SYN3: variants seen among roughly 807,000 people sequenced by gnomAD.
SYN3 encodes synapsin-3.
In SYN3, 35 loss-of-function variants were observed where a neutral mutation model predicts 65.8. The observed-to-expected ratio is 0.53, with a 90% CI of 0.41 to 0.70. SYN3 has a LOEUF of 0.70. Ranked by LOEUF, SYN3 falls within the 30% of genes least tolerant of loss-of-function variation. SYN3 has a pLI of 0.00. For synonymous variants in SYN3, 270 were observed against 292.9 expected (o/e 0.92, Z 0.80); for missense variants, 680 against 749.0 (o/e 0.91, Z 1.08).
intron 7 of SYN3, among the ~76,000 whole-genome samples, chr22:32,573,688 C>T (rs920037393): frequency 6.6e-6 from 1 of 151,658 alleles, no homozygotes; most frequent in Non-Finnish European, 1.5e-5. Context: ...ACAGCAGCCC[C>T]CGAGAGGAAG....
intron 1 of SYN3, among the ~76,000 whole-genome samples, chr22:33,047,984 T>C (rs1362050300): frequency 6.6e-6 from 1 of 152,112 alleles, no homozygotes; most frequent in Non-Finnish European, 1.5e-5. Context: ...CCATTCTTTT[T>C]CCACTTTGGA....
At chr22:32,822,651 G>A (rs1222505493) in intron 6 of SYN3, among the ~76,000 whole-genome samples, 2 of 152,152 alleles carry the variant, frequency 1.3e-5, no homozygotes, top group African/African-American at 4.8e-5. Flanking sequence ...AGATTATGGT[G>A]CGTTCATACA....
chr22:32,974,536 C>A (rs1289168911), intron 3 of SYN3, among the ~76,000 whole-genome samples: 1 of 152,170 alleles, frequency 6.6e-6, no homozygotes, highest in East Asian at 1.9e-4. Flanking sequence ...TCCTTATTGG[C>A]CTTAGTTTCC....
At chr22:32,835,940 GC>G (rs1233429838) in intron 6 of SYN3, among the ~76,000 whole-genome samples, 1 of 152,210 alleles carries the variant, frequency 6.6e-6, no homozygotes, top group Non-Finnish European at 1.5e-5. Flanking sequence ...ACTTATACAA[GC>G]CCTTCTCTCA....
intron 6 of SYN3, among the ~76,000 whole-genome samples, chr22:32,762,630 G>C (rs1220285531): frequency 1.9e-5 from 1 of 51,820 alleles, no homozygotes; most frequent in Admixed American, 2.0e-4. Flanking sequence ...CCAGGGTCGC[G>C]AAACCCAGTG....
chr22:32,733,624 T>C (rs1425005677), intron 6 of SYN3, among the ~76,000 whole-genome samples: 3 of 152,204 alleles, frequency 2.0e-5, no homozygotes, highest in African/African-American at 7.2e-5. Flanking sequence ...CCTTATCTTA[T>C]TCATCTCTGT....
chr22:32,634,080 A>G (rs1020175292), intron 6 of SYN3, among the ~76,000 whole-genome samples: 21 of 152,228 alleles, frequency 1.4e-4, no homozygotes, highest in South Asian at 4.1e-4. Flanking sequence ...ACTTGCTAAC[A>G]TTTACTGAAT....
intron 6 of SYN3, among the ~76,000 whole-genome samples, chr22:32,846,021 G>C (rs1343609861): frequency 9.9e-5 from 15 of 152,134 alleles, no homozygotes; most frequent in Non-Finnish European, 2.2e-4. Context: ...TACTTTGGAA[G>C]GACTTTGAGA....
At chr22:32,601,418 C>T (rs1030577374) in intron 6 of SYN3, among the ~76,000 whole-genome samples, 1 of 152,142 alleles carries the variant, frequency 6.6e-6, no homozygotes, top group African/African-American at 2.4e-5. Context: ...GCTGGGACTA[C>T]AGGCGCCCGC....
chr22:32,580,396 C>T (rs1457349310), intron 7 of SYN3, among the ~76,000 whole-genome samples: 1 of 152,218 alleles, frequency 6.6e-6, no homozygotes, highest in Non-Finnish European at 1.5e-5. Context: ...AGACCACATT[C>T]ACATGACTTC....
intron 1 of SYN3, among the ~76,000 whole-genome samples, chr22:33,028,270 G>T (rs1348091684): frequency 6.6e-6 from 1 of 152,206 alleles, no homozygotes; most frequent in Admixed American, 6.5e-5. Flanking sequence ...CATAAGTGGA[G>T]GGAGCAGAGA....
chr22:33,037,996 T>TA (rs375298521), intron 1 of SYN3, among the ~76,000 whole-genome samples: 4,106 of 146,208 alleles, frequency 0.028, 199 homozygotes, highest in African/African-American at 0.096. Context: ...TGCATGAAGT[T>TA]AAAAAAAAAA....
chr22:32,774,457 C>T (rs1484963067), intron 6 of SYN3, among the ~76,000 whole-genome samples: 6 of 152,116 alleles, frequency 3.9e-5, no homozygotes, highest in African/African-American at 1.4e-4. Flanking sequence ...CCCTCCTCCC[C>T]TCGAGTCTTC....
At chr22:32,779,697 C>G (rs547215259) in intron 6 of SYN3, among the ~76,000 whole-genome samples, 2 of 152,274 alleles carry the variant, frequency 1.3e-5, no homozygotes, top group Admixed American at 1.3e-4. Context: ...CAAACCCAAG[C>G]TGTGCTTTTC....
chr22:32,602,585 C>T (rs1056430336), intron 6 of SYN3, among the ~76,000 whole-genome samples: 7 of 152,260 alleles, frequency 4.6e-5, no homozygotes, highest in Admixed American at 3.3e-4. Context: ...CCTCAGCCTC[C>T]TGAGTAGCTG....
intron 1 of SYN3, among the ~76,000 whole-genome samples, chr22:33,016,589 G>T (rs1178818199): frequency 6.6e-6 from 1 of 152,062 alleles, no homozygotes; most frequent in Non-Finnish European, 1.5e-5. Context: ...TCTGATAATA[G>T]CCATTCTAAC....
chr22:32,864,118 C>G (rs2048622433), intron 6 of SYN3, among the ~76,000 whole-genome samples: 1 of 152,202 alleles, frequency 6.6e-6, no homozygotes, highest in Non-Finnish European at 1.5e-5. Context: ...ACTCTACAAA[C>G]AGCCACAGTA....
chr22:32,519,965 G>A (rs2057849361), intron 12 of SYN3, among the ~76,000 whole-genome samples: 1 of 152,122 alleles, frequency 6.6e-6, no homozygotes, highest in Admixed American at 6.5e-5. Context: ...CAACAGCTCT[G>A]TGGGTTAGGC....
intron 3 of SYN3, among the ~76,000 whole-genome samples, chr22:32,940,202 G>T (rs1321435239): frequency 6.6e-6 from 1 of 151,922 alleles, no homozygotes. Flanking sequence ...TTGTATTCTT[G>T]TTTGCATTTA....
Sources: allele counts gnomAD v4.1 joint callset (sites outside exome capture counted in the v4.1 genomes callset), GRCh38; gene constraint gnomAD v4.1.1; transcripts MANE v1.5; gene names NCBI Gene and HGNC (gene_info 2026-07-23, HGNC 2026-07-21).